RELN: variants seen among roughly 807,000 people sequenced by gnomAD.
RELN encodes reelin.
In RELN, 108 loss-of-function variants were observed where a neutral mutation model predicts 427.6. That is an observed-to-expected ratio of 0.25 (90% CI 0.22 to 0.30). The LOEUF (loss-of-function observed/expected upper bound fraction) is 0.30, where lower values mean the gene tolerates loss of function less well. Ranked by LOEUF, RELN falls within the 10% of genes least tolerant of loss-of-function variation. RELN has a pLI of 1.00. For missense variants in RELN, 3,715 were observed against 4,302.8 expected (o/e 0.86, Z 3.82); for synonymous variants, 1,524 against 1,513.4 (o/e 1.01, Z -0.16).
chr7:103,750,552 G>A (rs375648871), intron 5 of RELN, among the ~76,000 whole-genome samples: 21 of 152,162 alleles, frequency 1.4e-4, no homozygotes, highest in Non-Finnish European at 2.4e-4. Context: ...CCCAGACAGC[G>A]TCAGTGTCTA....
intron 56 of RELN, 106 bp from the exon 57 acceptor site, chr7:103,496,004 C>T: frequency 1.6e-6 from 2 of 1,228,068 alleles, no homozygotes; most frequent in South Asian, 2.5e-5. Context: ...TGTTGAATTC[C>T]TTAAATTTTT....
At chr7:103,504,793 A>AC (rs759929252) in intron 51 of RELN, among the ~76,000 whole-genome samples, 2 of 151,990 alleles carry the variant, frequency 1.3e-5, no homozygotes, top group Non-Finnish European at 2.9e-5. Context: ...AGTGAGTCCC[A>AC]CCCCCACGGA....
chr7:103,578,228 G>C (rs992404341), intron 28 of RELN, among the ~76,000 whole-genome samples: 5 of 152,142 alleles, frequency 3.3e-5, no homozygotes, highest in Non-Finnish European at 7.3e-5. Flanking sequence ...TGCAGTTATA[G>C]ATCCTAAGGC....
intron 1 of RELN, among the ~76,000 whole-genome samples, chr7:103,950,241 C>T (rs1193760979): frequency 6.6e-6 from 1 of 152,142 alleles, no homozygotes; most frequent in Non-Finnish European, 1.5e-5. Context: ...TTCCTAATAC[C>T]ATCACTTTGG....
intron 3 of RELN, among the ~76,000 whole-genome samples, chr7:103,831,159 T>C (rs536497033): frequency 3.0e-4 from 46 of 152,258 alleles, no homozygotes; most frequent in African/African-American, 1.0e-3. Flanking sequence ...ATATTGCTGA[T>C]ATAGATATAC....
intron 3 of RELN, among the ~76,000 whole-genome samples, chr7:103,819,025 C>T (rs1792951204): frequency 6.6e-6 from 1 of 152,032 alleles, no homozygotes; most frequent in South Asian, 2.1e-4. Context: ...CCCCAAGATA[C>T]ACACTGTTAT....
At position 103,935,265 on chromosome 7, in the gene RELN, T is replaced by C. The variant is rs962774976; in HGVS notation, c.227-18080A>G. Among the ~76,000 whole-genome samples the C allele has an allele frequency of 2.0e-5, 3 of 152,298 alleles. No individual in the cohort carries two copies. The South Asian group carries it at 6.2e-4, about 32-fold the overall frequency. On this transcript the variant is annotated intron_variant, in intron 1 of 64. Coordinates refer to ENST00000428762, the MANE Select transcript of RELN (RefSeq NM_005045.4). ...AATCCCCATTTACTTTTCAGTCAAT[T>C]CCAAAGTAAGCTTCCATCTCAAATG...
chr7:103,679,327 T>A (rs1833605902), intron 11 of RELN, among the ~76,000 whole-genome samples: 2 of 152,202 alleles, frequency 1.3e-5, no homozygotes, highest in African/African-American at 2.4e-5. Flanking sequence ...AATTCTGGGG[T>A]GTAGCCTGAC....
rs1335716526 is a variant in RELN at position 103,824,625 on chromosome 7, AGAGTGTGT to A, written c.473+8904_473+8911del. Among the ~76,000 whole-genome samples, 5 of 81,812 alleles carry A rather than the reference AGAGTGTGT, an allele frequency of 6.1e-5. No homozygotes were observed. Among genetic ancestry groups the A allele is most frequent in the African/African-American group, 1.1e-4 (2 of 18,824 alleles). 53.7% of individuals were successfully genotyped at this position (81,812 alleles called of 152,430 possible). ...CAGTGTTTTCACTTTCTTTCAAAAC[AGAGTGTGT>A]GTGTGTGTGTGTGTGTGTGTGTGTG... On this transcript the variant is annotated intron_variant, in intron 3 of 64. Coordinates refer to ENST00000428762, the MANE Select transcript of RELN (RefSeq NM_005045.4). The surrounding 1 kb of genome is among the most constrained non-coding windows in gnomAD (Gnocchi z 4.4).
At chr7:103,926,626 A>ATTTTTTTTT in intron 1 of RELN, among the ~76,000 whole-genome samples, 1 of 120,460 alleles carries the variant, frequency 8.3e-6, no homozygotes, top group Non-Finnish European at 1.7e-5. Context: ...AAGTATCATA[A>ATTTTTTTTT]GTTTTTTTTT....
chr7:103,607,150 T>C (rs200122094), intron 22 of RELN, among the ~76,000 whole-genome samples: 10 of 150,936 alleles, frequency 6.6e-5, no homozygotes, highest in African/African-American at 1.5e-4. Context: ...TGTTAAATGA[T>C]GAGTTAATGG....
At chr7:103,536,506 G>T (rs908144853) in intron 45 of RELN, among the ~76,000 whole-genome samples, 16 of 152,140 alleles carry the variant, frequency 1.1e-4, no homozygotes, top group Non-Finnish European at 2.2e-4. Flanking sequence ...CATGGCCAAG[G>T]CGTCAGGAGC....
At chr7:103,894,821 C>T (rs28637770) in intron 2 of RELN, among the ~76,000 whole-genome samples, 40,102 of 151,942 alleles carry the variant, frequency 0.26, 6,079 homozygotes, top group African/African-American at 0.41. Flanking sequence ...AGCAGATAAG[C>T]AACCAGCAGT....
At chr7:103,813,142 A>T (rs1792784523) in intron 3 of RELN, among the ~76,000 whole-genome samples, 1 of 152,118 alleles carries the variant, frequency 6.6e-6, no homozygotes. Flanking sequence ...GTTTCCCTGG[A>T]AGGTTACTGG....
intron 22 of RELN, among the ~76,000 whole-genome samples, chr7:103,606,509 A>G (rs1831823483): frequency 1.3e-5 from 2 of 152,142 alleles, no homozygotes; most frequent in Non-Finnish European, 2.9e-5. Flanking sequence ...TAGGCAAACT[A>G]ATTTCTAAGA....
chr7:103,969,754 C>T (rs1796725676), intron 1 of RELN, among the ~76,000 whole-genome samples: 1 of 152,168 alleles, frequency 6.6e-6, no homozygotes, highest in Non-Finnish European at 1.5e-5. Flanking sequence ...AGAAACCATA[C>T]AACAATAGCA....
Position 103,616,472 on chromosome 7 carries a change from AAAAC to A in RELN, c.2703-4673_2703-4670del, listed in dbSNP as rs1351448295. On this transcript the variant is annotated intron_variant, in intron 20 of 64. Transcript: ENST00000428762. ...TGTTATTTCTATGGTATTACATTTC[AAAAC>A]AAACAACCATATTATTTTAGTGGAT... is the stretch of plus-strand genomic sequence containing the variant. Among the ~76,000 whole-genome samples the A allele has an allele frequency of 2.6e-5, 4 of 152,154 alleles. No individual in the cohort carries two copies. In the East Asian group the frequency reaches 7.7e-4, roughly 29 times the overall value.
rs750986647 is a variant in RELN, at chr7:103,661,527, T to C, written c.1290A>G (p.Gly430=). Residue 430 remains glycine (G), a splice_region_variant and synonymous_variant, in exon 12 of 65, where the codon GGA becomes GGG. Transcript: ENST00000428762. ...CAATGACAGCTCCCAAGACATCCCATCTAAAAAAAAAGGGGGATTAAGAGT... is the reference window on the plus strand; with the variant it reads ...CAATGACAGCTCCCAAGACATCCCACCTAAAAAAAAAGGGGGATTAAGAGT... The part of the protein sequence containing the change: ...WSEEFESQPT[G]WDVLGAVIGT... 4 of 1,607,150 alleles carry C rather than the reference T, an allele frequency of 2.5e-6. No individual in the cohort carries two copies. In the African/African-American group the frequency reaches 5.4e-5, roughly 22 times the overall value.
chr7:103,647,488 A>G (rs1832820893), intron 16 of RELN, among the ~76,000 whole-genome samples: 1 of 151,380 alleles, frequency 6.6e-6, no homozygotes, highest in Admixed American at 6.6e-5. Context: ...GAATACATTT[A>G]CCCAAGGTGG....
Sources: gnomAD v4.1 joint callset for allele counts (sites outside exome capture counted in the v4.1 genomes callset) on GRCh38, gnomAD v4.1.1 for gene constraint, Gnocchi (gnomAD v3.1) non-coding constraint, MANE v1.5 for transcripts, NCBI Gene and HGNC (gene_info 2026-07-23, HGNC 2026-07-21) for gene names.